The following SCML1 variants were observed in gnomAD, a reference collection of about 807,000 sequenced individuals.
SCML1 encodes the protein Scm polycomb group protein like 1, also known as sex comb on midleg-like protein 1.
For missense variants in SCML1, 137 were observed against 258.1 expected, an observed-to-expected ratio of 0.53 and a Z score of 3.22; for synonymous variants, 104 against 103.6, an observed-to-expected ratio of 1.00 and a Z score of -0.02.
chrX:17,750,177 A>G lies in SCML1; in HGVS notation c.587A>G (p.Tyr196Cys). Residue 196 changes from tyrosine to cysteine, a missense_variant, in exon 6 of 8, where the codon TAT becomes TGT. By Grantham distance (194) the Tyr-to-Cys change is radical. Transcript: ENST00000380041. The stretch of plus-strand genomic sequence containing the variant: ...TCTGAGCATAATTGTCAGCCGTATT[A>G]TGCATCTGATGGTGCAACGTATGGT... ...DFSEHNCQPY[Y>C]ASDGATYGSS... The G allele has an allele frequency of 8.3e-7, 1 of 1,211,934 alleles. No individual in the cohort carries two copies.
intron 5 of SCML1, 86 bp downstream of exon 5, chrX:17,749,590 G>A: frequency 3.4e-6 from 2 of 585,656 alleles, no homozygotes; most frequent in African/African-American, 2.3e-5. Flanking sequence ...GAGAGTACCA[G>A]TATCTGTGTG....
chrX:17,752,000 A>G, intron 7 of SCML1, 34 bp downstream of exon 7: 1 of 1,173,227 alleles, frequency 8.5e-7, no homozygotes, highest in African/African-American at 1.7e-5. Flanking sequence ...TTCCTGCTGT[A>G]ATGCCTTTGA....
intron 1 of SCML1, among the ~76,000 whole-genome samples, chrX:17,740,702 A>C (rs2066587404): frequency 8.9e-6 from 1 of 112,122 alleles, no homozygotes; most frequent in Admixed American, 9.4e-5. Flanking sequence ...AGTTCAGGGA[A>C]AGCCGTGTCA....
intron 7 of SCML1, 97 bp downstream of exon 7, chrX:17,752,063 C>T: frequency 1.1e-6 from 1 of 902,725 alleles, no homozygotes; most frequent in Non-Finnish European, 1.5e-6. Flanking sequence ...GTGGGAGAAC[C>T]CTATTAGCTG....
At chrX:17,749,652 G>C in intron 5 of SCML1, 148 bp downstream of exon 5, 1 of 493,834 alleles carries the variant, frequency 2.0e-6, no homozygotes, top group Non-Finnish European at 3.3e-6. Context: ...ACTAAACTCT[G>C]TTGGGAGAAC....
At chrX:17,742,172 C>T (rs562560788) in intron 1 of SCML1, among the ~76,000 whole-genome samples, 2 of 111,227 alleles carry the variant, frequency 1.8e-5, no homozygotes, top group East Asian at 5.7e-4. Context: ...CAAAAATTGT[C>T]GTGCGATGTA....
intron 4 of SCML1, among the ~76,000 whole-genome samples, chrX:17,747,674 C>G (rs1468914406): frequency 4.5e-5 from 5 of 112,076 alleles, no homozygotes; most frequent in African/African-American, 1.6e-4. Context: ...GGCTTAGCCT[C>G]CTGTTCCCAC....
chrX:17,738,463 G>A (rs1453073839), intron 1 of SCML1, among the ~76,000 whole-genome samples: 1 of 112,719 alleles, frequency 8.9e-6, no homozygotes, highest in African/African-American at 3.2e-5. Context: ...CGTGGGCTGG[G>A]TGCCCTTTTG....
intron 3 of SCML1, 173 bp from the exon 4 acceptor site, chrX:17,745,845 A>G: frequency 1.2e-5 from 4 of 335,867 alleles, no homozygotes; most frequent in Non-Finnish European, 2.1e-5. Flanking sequence ...TTTCATTCTC[A>G]TATTAATGTG....
rs757175525 is a variant in SCML1, at chrX:17,753,246, T to C, written c.856-12T>C. 9.0e-7 allele frequency: 1 copy of C among 1,115,150 alleles called. No homozygotes were observed. Among genetic ancestry groups the C allele is most frequent in the African/African-American group, 1.8e-5 (1 of 54,735 alleles). The allele number at this position is 1,115,150 out of a possible 1,213,427, so 91.9% of individuals were successfully genotyped here. On this transcript the variant is annotated splice_polypyrimidine_tract_variant and intron_variant, in intron 7 of 7. Coordinates refer to ENST00000380041, the MANE Select transcript of SCML1 (RefSeq NM_001037540.3). The stretch of plus-strand genomic sequence containing the variant: ...GCATTATTAATTATCGTTAAGTTTC[T>C]TCTCTCCATAGGAAATTGACGGGAA...
chrX:17,738,930 GTAAT>G (rs1203707420), intron 1 of SCML1, among the ~76,000 whole-genome samples: 4 of 112,250 alleles, frequency 3.6e-5, no homozygotes, highest in African/African-American at 9.7e-5. Context: ...TTGTAAAGCT[GTAAT>G]TAATCTTGTG....
rs754738526 is a variant in SCML1 at position 17,753,480 on chromosome X, G to A, written c.*88G>A. On this transcript the variant is annotated 3_prime_UTR_variant, in exon 8 of 8. Coordinates refer to ENST00000380041, the MANE Select transcript of SCML1 (RefSeq NM_001037540.3). ...GGAATCATTTTTCTGCCCTTTAGTC[G>A]TTTTTGTTTTGTAGAAAGTATCTCT... 1.3e-4 allele frequency: 100 copies of A among 741,726 alleles called. 1 individual carries two copies. The South Asian group carries it at 3.2e-3, about 24-fold the overall frequency. The allele number at this position is 741,726 out of a possible 1,213,427, so 61.1% of individuals were successfully genotyped here.
intron 6 of SCML1, 73 bp from the exon 7 acceptor site, chrX:17,751,742 A>G: frequency 2.8e-6 from 3 of 1,069,182 alleles, no homozygotes; most frequent in South Asian, 2.1e-5. Flanking sequence ...CTTACCTAAC[A>G]TCTCTTCTTT....
intron 1 of SCML1, among the ~76,000 whole-genome samples, chrX:17,739,848 C>CAAAAA (rs747850155): frequency 3.0e-5 from 1 of 32,830 alleles, no homozygotes; most frequent in Non-Finnish European, 5.6e-5. Context: ...GACTCTGTCT[C>CAAAAA]AAAAAAAAAA....
Position 17,749,415 on chromosome X carries a change from C to A in SCML1, c.214C>A (p.Leu72Met), listed in dbSNP as rs1457893845. The A allele has an allele frequency of 8.5e-7, 1 of 1,174,350 alleles. No individual in the cohort carries two copies. Residue 72 changes from leucine to methionine, a missense_variant, in exon 5 of 8, where the codon CTG (leucine) becomes ATG (methionine). Leu to Met is a conservative substitution (Grantham distance 15). Transcript: ENST00000380041. Reference protein sequence around the residue: ...LIHCQVIYDALQNLDKKIDVI... With the variant: ...LIHCQVIYDAMQNLDKKIDVI... ...ATTATAATAGGTTATATATGATGCTCTGCAAAACCTGGATAAGAAGATTGA... is the reference window on the plus strand; with the variant it reads ...ATTATAATAGGTTATATATGATGCTATGCAAAACCTGGATAAGAAGATTGA...
intron 1 of SCML1, among the ~76,000 whole-genome samples, chrX:17,742,643 A>G (rs1431549955): frequency 8.9e-6 from 1 of 112,371 alleles, no homozygotes; most frequent in African/African-American, 3.2e-5. Context: ...AGACCTATCC[A>G]TTGTTTCTAC....
At chrX:17,740,308 A>G (rs1219128640) in intron 1 of SCML1, among the ~76,000 whole-genome samples, 3 of 111,735 alleles carry the variant, frequency 2.7e-5, no homozygotes, top group Admixed American at 9.5e-5. Context: ...TTCAGGTGCA[A>G]TGTGAATGAA....
chrX:17,744,198 C>T lies in SCML1; in HGVS notation c.12C>T (p.Asn4=). ...CCTGTTGCACAAAAATGATGTCTAA[C>T]AGCTCCAGTGAAATCGATGTGGTTT... The part of the protein sequence containing the change: MMS[N]SSSEIDVIKT... Residue 4 remains asparagine (N), a synonymous_variant, in exon 2 of 8, where the codon AAC becomes AAT. Coordinates refer to ENST00000380041, the MANE Select transcript of SCML1 (RefSeq NM_001037540.3). 1 of 1,205,299 alleles carries T rather than the reference C, an allele frequency of 8.3e-7. No homozygotes were observed. The highest frequency in any genetic ancestry group is 1.1e-6 in the Non-Finnish European group (1 of 889,964).
chrX:17,739,614 C>T (rs1200538642), intron 1 of SCML1, among the ~76,000 whole-genome samples: 2 of 110,108 alleles, frequency 1.8e-5, no homozygotes, highest in Non-Finnish European at 3.8e-5. Context: ...TTTGGGAGGC[C>T]GAGGTGGGCA....
Sources: allele counts gnomAD v4.1 joint callset (sites outside exome capture counted in the v4.1 genomes callset), GRCh38; gene constraint gnomAD v4.1.1; transcripts MANE v1.5; gene names NCBI Gene and HGNC (gene_info 2026-07-23, HGNC 2026-07-21).